Variants in NCKAP5 observed in about 807,000 individuals in gnomAD.
NCKAP5 encodes the protein NCK associated protein 5.
A neutral mutation model predicts 167.0 loss-of-function variants in NCKAP5; 92 were observed. That is an observed-to-expected ratio of 0.55 (90% CI 0.47 to 0.66). The LOEUF (loss-of-function observed/expected upper bound fraction) is 0.66, where lower values mean the gene tolerates loss of function less well. NCKAP5 is among the 30% of genes least tolerant of loss of function. The probability of loss-of-function intolerance (pLI) is 0.00; values close to 1 mark genes in which losing one functional copy is unlikely to be tolerated. For synonymous variants in NCKAP5, 891 were observed against 877.4 expected (o/e 1.02, Z -0.27); for missense variants, 2,378 against 2,315.0 (o/e 1.03, Z -0.56).
At chr2:133,408,159 G>T (rs1688555724) in intron 3 of NCKAP5, among the ~76,000 whole-genome samples, 1 of 152,112 alleles carries the variant, frequency 6.6e-6, no homozygotes, top group East Asian at 1.9e-4. Flanking sequence ...TCCCACTGCT[G>T]ATTTGGGGGC....
chr2:133,612,965 G>A, the NCKAP5 span, among the ~76,000 whole-genome samples: 3 of 152,154 alleles, frequency 2.0e-5, no homozygotes, highest in Admixed American at 2.0e-4. Context: ...AGACTTCCAG[G>A]AAGGAAACTT....
chr2:132,983,139 AT>A (rs1249536224), intron 7 of NCKAP5, among the ~76,000 whole-genome samples: 1 of 152,170 alleles, frequency 6.6e-6, no homozygotes, highest in African/African-American at 2.4e-5. Flanking sequence ...AATGCTACTG[AT>A]TTTTGTACAT....
chr2:132,911,807 T>C (rs1694473980), intron 8 of NCKAP5, among the ~76,000 whole-genome samples: 1 of 152,158 alleles, frequency 6.6e-6, no homozygotes, highest in Non-Finnish European at 1.5e-5. Flanking sequence ...AAAGATTTAT[T>C]ATTCCCTGGA....
At position 133,303,127 on chromosome 2, in the gene NCKAP5, A is replaced by G. The variant is rs1309277869; in HGVS notation, c.70-17T>C. ...CATGTATTCCTGCACAAGCAGACAA[A>G]GACAGATGAAAACTCACTATGACAG... On this transcript the variant is annotated splice_polypyrimidine_tract_variant and intron_variant, in intron 3 of 19. Coordinates refer to ENST00000409261, the MANE Select transcript of NCKAP5 (RefSeq NM_207363.3). The G allele has an allele frequency of 6.4e-7, 1 of 1,561,904 alleles. No individual in the cohort carries two copies. Among genetic ancestry groups the G allele is most frequent in the Non-Finnish European group, 8.7e-7 (1 of 1,148,674 alleles).
At chr2:133,418,349 A>G (rs1023758640) in intron 3 of NCKAP5, among the ~76,000 whole-genome samples, 1 of 152,222 alleles carries the variant, frequency 6.6e-6, no homozygotes, top group African/African-American at 2.4e-5. Flanking sequence ...AACAGAGACA[A>G]TAGCTCTGTT....
At chr2:132,813,228 C>A (rs1041382603) in intron 11 of NCKAP5, among the ~76,000 whole-genome samples, 1 of 152,192 alleles carries the variant, frequency 6.6e-6, no homozygotes, top group African/African-American at 2.4e-5. Context: ...GAACTTGGGT[C>A]AAGTCACACA....
chr2:133,617,751 G>A, the NCKAP5 span, among the ~76,000 whole-genome samples: 1 of 151,592 alleles, frequency 6.6e-6, no homozygotes. Context: ...TAGATTCAAT[G>A]CCATCCCCAT....
At chr2:132,962,517 A>G (rs2076544599) in intron 8 of NCKAP5, among the ~76,000 whole-genome samples, 1 of 152,222 alleles carries the variant, frequency 6.6e-6, no homozygotes, top group Non-Finnish European at 1.5e-5. Flanking sequence ...TGCTCATTAT[A>G]GACAATGTGG....
rs560940580 is a variant in NCKAP5, at chr2:133,557,390, A to C, written c.-62+1660T>G. Among the ~76,000 whole-genome samples, 5 of 152,274 alleles carry C rather than the reference A, an allele frequency of 3.3e-5. No individual in the cohort carries two copies. In the South Asian group the frequency reaches 1.0e-3, roughly 32 times the overall value. On this transcript the variant is annotated intron_variant, in intron 2 of 19. Coordinates refer to ENST00000409261, the MANE Select transcript of NCKAP5 (RefSeq NM_207363.3). ...AGGCCAGCTTCTTGGCCACATTCATATTCCTGCCACCAGGACACCTTTATA... is the reference window on the plus strand; with the variant it reads ...AGGCCAGCTTCTTGGCCACATTCATCTTCCTGCCACCAGGACACCTTTATA...
At chr2:133,141,941 T>C (rs1044959395) in intron 5 of NCKAP5, among the ~76,000 whole-genome samples, 3 of 152,180 alleles carry the variant, frequency 2.0e-5, no homozygotes, top group African/African-American at 7.2e-5. Flanking sequence ...AAAAACTCAA[T>C]GTGGAACTAA....
chr2:133,520,511 C>T (rs1684386373), intron 2 of NCKAP5, among the ~76,000 whole-genome samples: 1 of 152,108 alleles, frequency 6.6e-6, no homozygotes, highest in Non-Finnish European at 1.5e-5. Context: ...ATGAGACAAG[C>T]CATTGAAATA....
chr2:132,976,255 A>T (rs1371249253), intron 7 of NCKAP5, among the ~76,000 whole-genome samples: 1 of 152,108 alleles, frequency 6.6e-6, no homozygotes, highest in Non-Finnish European at 1.5e-5. Context: ...ATACTGGTCA[A>T]GGGATACAAA....
chr2:133,025,509 G>A (rs1043517460), intron 6 of NCKAP5, among the ~76,000 whole-genome samples: 1 of 152,196 alleles, frequency 6.6e-6, no homozygotes, highest in South Asian at 2.1e-4. Context: ...TCTGTGAGAG[G>A]TGTGAAAAAT....
At chr2:132,812,195 T>C (rs1321206581) in intron 11 of NCKAP5, among the ~76,000 whole-genome samples, 1 of 152,218 alleles carries the variant, frequency 6.6e-6, no homozygotes, top group Admixed American at 6.5e-5. Flanking sequence ...TGCTGGTTTG[T>C]TCTTGCAGTT....
intron 19 of NCKAP5, among the ~76,000 whole-genome samples, chr2:132,674,275 G>A (rs1288288108): frequency 1.3e-5 from 2 of 151,968 alleles, no homozygotes; most frequent in Admixed American, 6.6e-5. Context: ...ACACTTAACA[G>A]ATTCTATCAG....
chr2:133,330,053 CTTTTTTTTTTTTTTT>C lies in NCKAP5; in HGVS notation c.70-26958_70-26944del, dbSNP rs1165568563. On this transcript the variant is annotated intron_variant, in intron 3 of 19. Coordinates refer to ENST00000409261, the MANE Select transcript of NCKAP5 (RefSeq NM_207363.3). ...GGGAATGTGGCCAAGAAAGCAAGACCTTTTTTTTTTTTTTTTTTTTTTTTTTTTTCTGAGACAGGG... is the reference window on the plus strand; with the variant it reads ...GGGAATGTGGCCAAGAAAGCAAGACCTTTTTTTTTTTTTTCTGAGACAGGG... 3.7e-3 allele frequency among the ~76,000 whole-genome samples: 318 copies of C among 85,700 alleles called. 5 individuals are homozygous for C. Among genetic ancestry groups the C allele is most frequent in the Non-Finnish European group, 6.1e-3 (262 of 43,186 alleles). 56.2% of individuals were successfully genotyped at this position (85,700 alleles called of 152,430 possible). A position where few individuals can be genotyped will look rare whatever the true frequency, so the allele number is the denominator to read the frequency against.
At chr2:133,593,372 T>C in the NCKAP5 span, among the ~76,000 whole-genome samples, 1 of 145,016 alleles carries the variant, frequency 6.9e-6, no homozygotes, top group Non-Finnish European at 1.5e-5. Context: ...CTGACAAAAT[T>C]AAAAAAAAAA....
chr2:133,193,689 T>G (rs1190005778), intron 5 of NCKAP5, among the ~76,000 whole-genome samples: 2 of 152,048 alleles, frequency 1.3e-5, no homozygotes. Context: ...TCAACCAACA[T>G]GTAATTGTAT....
In NCKAP5 at chr2:133,044,414, AAC is replaced by A. The variant is rs563294870; in HGVS notation, c.342-50177_342-50176del. Among the ~76,000 whole-genome samples, 12 of 152,288 alleles carry A rather than the reference AAC, an allele frequency of 7.9e-5. No individual in the cohort carries two copies. The South Asian group carries it at 2.5e-3, about 32-fold the overall frequency. ...AACAATCCAAGGAAAATATAAGAAAAACACATGAACGGGCACCTCAAAGAAGA... is the reference window on the plus strand; with the variant it reads ...AACAATCCAAGGAAAATATAAGAAAAACATGAACGGGCACCTCAAAGAAGA... On this transcript the variant is annotated intron_variant, in intron 6 of 19. Coordinates refer to ENST00000409261, the MANE Select transcript of NCKAP5 (RefSeq NM_207363.3).
Sources: allele counts gnomAD v4.1 joint callset (sites outside exome capture counted in the v4.1 genomes callset), GRCh38; gene constraint gnomAD v4.1.1; transcripts MANE v1.5; gene names NCBI Gene and HGNC (gene_info 2026-07-23, HGNC 2026-07-21).